SEPTIN8: variants seen among roughly 807,000 people sequenced by gnomAD.
SEPTIN8 encodes septin-8.
A neutral mutation model predicts 53.1 loss-of-function variants in SEPTIN8; 22 were observed. The observed-to-expected ratio is 0.41, with a 90% CI of 0.30 to 0.59. The LOEUF is 0.59. Among genes scored for constraint, SEPTIN8 ranks in the 20% least tolerant of loss-of-function variants. The pLI, the probability that SEPTIN8 is intolerant of heterozygous loss-of-function variation, is 0.24. For missense variants in SEPTIN8, 536 were observed against 638.7 expected (o/e 0.84, Z 1.73); for synonymous variants, 228 against 248.4 (o/e 0.92, Z 0.77).
In SEPTIN8 at chr5:132,776,580, CG is replaced by C. The variant is rs1757818116; in HGVS notation, c.30+527del. ...GCGTGGGGAGCGGGGCAGAGGGGAG[CG>C]GGGGAGGAAGGAAAAGCAGGCCAAG... On this transcript the variant is annotated intron_variant, in intron 1 of 9. Transcript: ENST00000378719. This position sits in a 1 kb window ranked among gnomAD's most constrained non-coding sequence, Gnocchi z 4.4. Among the ~76,000 whole-genome samples the C allele has an allele frequency of 6.6e-6, 1 of 151,700 alleles. No homozygotes were observed. The highest frequency in any genetic ancestry group is 2.4e-5 in the African/African-American group (1 of 41,328).
chr5:132,753,294 A>G, intron 9 of SEPTIN8: 1 of 304,606 alleles, frequency 3.3e-6, no homozygotes, highest in Non-Finnish European at 6.3e-6. Context: ...AAGGGTTGGC[A>G]TTGGCCCCTG....
rs543553065 is a variant in SEPTIN8, at chr5:132,763,553, G to T, written c.534+153C>A. Among the ~76,000 whole-genome samples the T allele has an allele frequency of 9.9e-5, 15 of 152,264 alleles. No homozygotes were observed. The South Asian group carries it at 3.1e-3, about 32-fold the overall frequency. ...GGCCACTGGAGCAGGAGGAACAGAC[G>T]CAAGACAGAGAGAGGACCGAGCCAA... On this transcript the variant is annotated intron_variant, in intron 4 of 9. Coordinates refer to ENST00000378719, the MANE Select transcript of SEPTIN8 (RefSeq NM_001098811.2).
chr5:132,754,710 C>G (rs943537859), intron 9 of SEPTIN8, among the ~76,000 whole-genome samples: 2 of 152,224 alleles, frequency 1.3e-5, no homozygotes, highest in Admixed American at 6.5e-5. Context: ...CAGGTCCCAT[C>G]CTACTTCCCT....
In SEPTIN8 at chr5:132,761,696, A is replaced by T; in HGVS notation, c.794-70T>A. 1.3e-6 allele frequency: 2 copies of T among 1,594,872 alleles called. No homozygotes were observed. The highest frequency in any genetic ancestry group is 2.3e-5 in the South Asian group (2 of 87,554). ...GGCACACTCCAGAGTCAGGGTAGGCACGCAGGTGGGCATGAGGAGGAAACA... is the reference window on the plus strand; with the variant it reads ...GGCACACTCCAGAGTCAGGGTAGGCTCGCAGGTGGGCATGAGGAGGAAACA... On this transcript the variant is annotated intron_variant, in intron 6 of 9. Transcript: ENST00000378719. This position sits in a 1 kb window ranked among gnomAD's most constrained non-coding sequence, Gnocchi z 5.8.
intron 1 of SEPTIN8, among the ~76,000 whole-genome samples, chr5:132,768,726 C>A (rs569458454): frequency 6.6e-6 from 1 of 152,192 alleles, no homozygotes; most frequent in Non-Finnish European, 1.5e-5. Context: ...AGGCAAGTGA[C>A]GCAGGTTGAG....
intron 9 of SEPTIN8, among the ~76,000 whole-genome samples, chr5:132,755,566 A>C (rs1755251144): frequency 6.6e-6 from 1 of 152,316 alleles, no homozygotes; most frequent in Admixed American, 6.5e-5. Context: ...AATGGGGATG[A>C]ATGGTCCCTA....
intron 9 of SEPTIN8, chr5:132,756,360 T>C (rs914617827): frequency 2.0e-6 from 2 of 982,066 alleles, no homozygotes; most frequent in South Asian, 4.7e-5. Context: ...TCTCTCTCAA[T>C]AGTCCCAATT....
chr5:132,767,040 C>G (rs1476577181), intron 1 of SEPTIN8, among the ~76,000 whole-genome samples: 1 of 152,166 alleles, frequency 6.6e-6, no homozygotes, highest in Non-Finnish European at 1.5e-5. Flanking sequence ...TCCCCTCAAA[C>G]AAGTCAGGGC....
At chr5:132,757,791 C>G in intron 9 of SEPTIN8, 2 of 985,450 alleles carry the variant, frequency 2.0e-6, no homozygotes, top group Non-Finnish European at 2.4e-6. Context: ...CTTTAGAGTG[C>G]AGCTGAAGGG....
intron 1 of SEPTIN8, chr5:132,774,304 G>C (rs991764580): frequency 1.2e-5 from 2 of 163,884 alleles, no homozygotes; most frequent in Non-Finnish European, 2.9e-5. Context: ...CTCCCCCTCA[G>C]CTTCACTTTC....
intron 1 of SEPTIN8, among the ~76,000 whole-genome samples, chr5:132,770,261 CT>C (rs1757190138): frequency 6.6e-6 from 1 of 150,436 alleles, no homozygotes; most frequent in Non-Finnish European, 1.5e-5. Context: ...TCACTGTAAC[CT>C]CCGCCTCCTA....
chr5:132,762,655 T>A lies in SEPTIN8; in HGVS notation c.535-10A>T. The A allele has an allele frequency of 6.2e-7, 1 of 1,614,156 alleles. No homozygotes were observed. The highest frequency in any genetic ancestry group is 8.5e-7 in the Non-Finnish European group (1 of 1,180,004). On this transcript the variant is annotated splice_polypyrimidine_tract_variant and intron_variant, in intron 4 of 9. Coordinates refer to ENST00000378719, the MANE Select transcript of SEPTIN8 (RefSeq NM_001098811.2). ...TGGGAATAATGTTCACCTGCCAGGATCAGGGGAGGGGACAGCAGGCTGGTT... is the reference window on the plus strand; with the variant it reads ...TGGGAATAATGTTCACCTGCCAGGAACAGGGGAGGGGACAGCAGGCTGGTT...
rs1023217522 is a variant in SEPTIN8 at position 132,760,009 on chromosome 5, C to G, written c.1286+793G>C. ...GCCATCCAGTCTTTCTCTCCTCTCT[C>G]CACTCTGCAGGAACAACTCCAGCCT... On this transcript the variant is annotated intron_variant, in intron 9 of 9. Coordinates refer to ENST00000378719, the MANE Select transcript of SEPTIN8 (RefSeq NM_001098811.2). The surrounding 1 kb of genome is among the most constrained non-coding windows in gnomAD (Gnocchi z 5.2). Among the ~76,000 whole-genome samples, 3 of 152,088 alleles carry G rather than the reference C, an allele frequency of 2.0e-5. No homozygotes were observed. Among genetic ancestry groups the G allele is most frequent in the Non-Finnish European group, 4.4e-5 (3 of 68,010 alleles).
rs1398804222 is a variant in SEPTIN8 at position 132,776,906 on chromosome 5, G to T, written c.30+202C>A. Among the ~76,000 whole-genome samples the T allele has an allele frequency of 6.6e-6, 1 of 152,060 alleles. No individual in the cohort carries two copies. Among genetic ancestry groups the T allele is most frequent in the Non-Finnish European group, 1.5e-5 (1 of 67,972 alleles). ...CCCCAGGAAGCGACCCCGACCAGCC[G>T]CCCGGCAAGGCAGGCCGCCCGACGC... On this transcript the variant is annotated intron_variant, in intron 1 of 9. Coordinates refer to ENST00000378719, the MANE Select transcript of SEPTIN8 (RefSeq NM_001098811.2). The surrounding 1 kb of genome is among the most constrained non-coding windows in gnomAD (Gnocchi z 4.4).
intron 9 of SEPTIN8, chr5:132,754,050 A>T (rs1391466696): frequency 1.9e-5 from 3 of 158,862 alleles, no homozygotes; most frequent in African/African-American, 7.6e-5. Context: ...AAAGTGGTCA[A>T]GGGCCAGATA....
rs1340600594 is a variant in SEPTIN8 at position 132,761,555 on chromosome 5, G to A, written c.865C>T (p.Arg289Cys). ...MLIRVNMEDL[R>C]EQTHSRHYEL... The stretch of plus-strand genomic sequence containing the variant: ...TAGTGCCGGCTGTGGGTCTGCTCGC[G>A]GAGGTCTTCCATGTTCACCCGGATC... The change falls in exon 7 of 10, where the codon CGC (arginine) becomes TGC (cysteine). Residue 289 changes from arginine (R) to cysteine (C), a missense_variant. By Grantham distance (180) the Arg-to-Cys change is radical. This residue lies in a region of SEPTIN8 where 395 missense variants were observed against 451.8 expected (regional missense o/e 0.87). Transcript: ENST00000378719. This position sits in a 1 kb window ranked among gnomAD's most constrained non-coding sequence, Gnocchi z 5.8. 1.9e-5 allele frequency: 31 copies of A among 1,613,818 alleles called. No homozygotes were observed. Among genetic ancestry groups the A allele is most frequent in the East Asian group, 1.1e-4 (5 of 44,896 alleles).
chr5:132,751,902 T>G lies in SEPTIN8; in HGVS notation c.*114A>C. 2 of 1,520,482 alleles carry G rather than the reference T, an allele frequency of 1.3e-6. No individual in the cohort carries two copies. Among genetic ancestry groups the G allele is most frequent in the Non-Finnish European group, 1.8e-6 (2 of 1,123,696 alleles). The allele number at this position is 1,520,482 out of a possible 1,614,324, so 94.2% of individuals were successfully genotyped here. A position where few individuals can be genotyped will look rare whatever the true frequency, so the allele number is the denominator to read the frequency against. ...ATGGAAATTTAAATTGTTTGCACTTTTGATCATTGATATAGGAAAAGTATG... is the reference window on the plus strand; with the variant it reads ...ATGGAAATTTAAATTGTTTGCACTTGTGATCATTGATATAGGAAAAGTATG... On this transcript the variant is annotated 3_prime_UTR_variant, in exon 10 of 10. Coordinates refer to ENST00000378719, the MANE Select transcript of SEPTIN8 (RefSeq NM_001098811.2).
rs1755977317 is a variant in SEPTIN8 at position 132,761,682 on chromosome 5, G to GA, written c.794-57dup. Reference sequence around the variant, plus strand: ...CAGGCATGCAGGCGGGCACACTCCAGAGTCAGGGTAGGCACGCAGGTGGGC... The same window carrying GA: ...CAGGCATGCAGGCGGGCACACTCCAGAAGTCAGGGTAGGCACGCAGGTGGGC... On this transcript the variant is annotated intron_variant, in intron 6 of 9. Transcript: ENST00000378719. This position sits in a 1 kb window ranked among gnomAD's most constrained non-coding sequence, Gnocchi z 5.8. The GA allele has an allele frequency of 6.2e-7, 1 of 1,602,710 alleles. No homozygotes were observed. The highest frequency in any genetic ancestry group is 1.3e-5 in the African/African-American group (1 of 74,806).
chr5:132,775,366 C>G (rs528769756), intron 1 of SEPTIN8, among the ~76,000 whole-genome samples: 1 of 152,210 alleles, frequency 6.6e-6, no homozygotes, highest in Non-Finnish European at 1.5e-5. Flanking sequence ...GTCCTCACAT[C>G]CACGTGGACA....
Sources: gnomAD v4.1 joint callset for allele counts (sites outside exome capture counted in the v4.1 genomes callset) on GRCh38, gnomAD v4.1.1 for gene constraint, gnomAD v4.1.1 regional missense constraint, Gnocchi (gnomAD v3.1) non-coding constraint, MANE v1.5 for transcripts, NCBI Gene and HGNC (gene_info 2026-07-23, HGNC 2026-07-21) for gene names.